Variants in OPCML observed in about 807,000 individuals in gnomAD.
The protein encoded by OPCML is opioid-binding protein/cell adhesion molecule.
A neutral mutation model predicts 37.8 loss-of-function variants in OPCML; 13 were observed. The observed-to-expected ratio is 0.34, with a 90% CI of 0.22 to 0.55. The LOEUF (loss-of-function observed/expected upper bound fraction) is 0.55, where lower values mean the gene tolerates loss of function less well. OPCML is among the 20% of genes least tolerant of loss of function. The pLI, the probability that OPCML is intolerant of heterozygous loss-of-function variation, is 0.91. For missense variants in OPCML, 341 were observed against 435.6 expected (o/e 0.78, Z 1.93); for synonymous variants, 176 against 168.8 (o/e 1.04, Z -0.33).
At chr11:132,560,233 T>C (rs1391733702) in intron 3 of OPCML, among the ~76,000 whole-genome samples, 2 of 152,210 alleles carry the variant, frequency 1.3e-5, no homozygotes, top group African/African-American at 2.4e-5. Flanking sequence ...CAGGACTTGG[T>C]TATCTTTTTC....
intron 2 of OPCML, among the ~76,000 whole-genome samples, chr11:132,939,088 C>A (rs1275212712): frequency 6.6e-6 from 1 of 152,154 alleles, no homozygotes; most frequent in African/African-American, 2.4e-5. Flanking sequence ...AAAGTCTTTG[C>A]ATTTACCCAG....
chr11:133,296,163 A>G (rs1017403933), intron 1 of OPCML, among the ~76,000 whole-genome samples: 8 of 152,368 alleles, frequency 5.3e-5, no homozygotes, highest in African/African-American at 1.9e-4. Context: ...AATGAAGGAC[A>G]TGTCCTCTGC....
chr11:132,515,402 G>A (rs1457208750), intron 4 of OPCML, among the ~76,000 whole-genome samples: 1 of 152,162 alleles, frequency 6.6e-6, no homozygotes, highest in Non-Finnish European at 1.5e-5. Flanking sequence ...ATAGGGTAGG[G>A]AGAGTTGGGC....
intron 1 of OPCML, among the ~76,000 whole-genome samples, chr11:133,034,308 G>GGTGTGTGTGTGTGTGTGTGTGT (rs71038514): frequency 2.6e-4 from 37 of 143,532 alleles, no homozygotes; most frequent in African/African-American, 7.6e-4. Flanking sequence ...TGTATGTATA[G>GGTGTGTGTGTGTGTGTGTGTGT]GTGTGTGTGT....
chr11:132,843,946 A>C (rs7113907), intron 2 of OPCML, among the ~76,000 whole-genome samples: 30,669 of 152,168 alleles, frequency 0.2, 3,535 homozygotes, highest in African/African-American at 0.29. Flanking sequence ...CTCATCTTGA[A>C]TTCCCATGTG....
chr11:133,308,481 G>A (rs912655977), intron 1 of OPCML, among the ~76,000 whole-genome samples: 3 of 152,146 alleles, frequency 2.0e-5, no homozygotes, highest in African/African-American at 7.2e-5. Flanking sequence ...GTGGAGCTGA[G>A]TAGAGTCAAA....
chr11:132,881,955 T>C (rs2136431476), intron 2 of OPCML, among the ~76,000 whole-genome samples: 1 of 152,350 alleles, frequency 6.6e-6, no homozygotes, highest in East Asian at 1.9e-4. Flanking sequence ...TTATGTCAAA[T>C]AAGATAAATT....
intron 1 of OPCML, among the ~76,000 whole-genome samples, chr11:132,971,014 G>C (rs887474562): frequency 2.0e-5 from 3 of 152,134 alleles, no homozygotes; most frequent in Admixed American, 2.0e-4. Flanking sequence ...CAGTGGCAGA[G>C]TCTTCATTTC....
intron 3 of OPCML, among the ~76,000 whole-genome samples, chr11:132,541,248 T>C (rs535610678): frequency 1.3e-5 from 2 of 152,262 alleles, no homozygotes; most frequent in South Asian, 4.1e-4. Flanking sequence ...CAGACCTCTC[T>C]CTTTCTCTAC....
chr11:133,482,806 T>C (rs1375349569), intron 1 of OPCML, among the ~76,000 whole-genome samples: 2 of 151,664 alleles, frequency 1.3e-5, no homozygotes, highest in Non-Finnish European at 2.9e-5. Flanking sequence ...ATGATGAGGG[T>C]AAAACTGAGA....
chr11:132,847,340 G>A (rs911100040), intron 2 of OPCML, among the ~76,000 whole-genome samples: 2 of 151,774 alleles, frequency 1.3e-5, no homozygotes, highest in Non-Finnish European at 2.9e-5. Context: ...AGAGTAAGAG[G>A]TATACCTTCC....
At chr11:132,461,330 TAATTAATCATGCCTAGGATATG>T (rs1312698808) in intron 4 of OPCML, among the ~76,000 whole-genome samples, 1 of 152,114 alleles carries the variant, frequency 6.6e-6, no homozygotes, top group Non-Finnish European at 1.5e-5. Context: ...GCCAATTATG[TAATTAATCATGCCTAGGATATG>T]AAGCCTCTAT....
intron 3 of OPCML, among the ~76,000 whole-genome samples, chr11:132,575,321 G>C (rs1162233022): frequency 6.6e-6 from 1 of 151,974 alleles, no homozygotes; most frequent in African/African-American, 2.4e-5. Context: ...TCTTTTGACT[G>C]CATTTTCTTC....
intron 2 of OPCML, among the ~76,000 whole-genome samples, chr11:132,692,367 TGCATCTATAGGATCAG>T (rs1943438522): frequency 6.6e-6 from 1 of 152,218 alleles, no homozygotes; most frequent in Admixed American, 6.5e-5. Flanking sequence ...ATGCAGCTCA[TGCATCTATAGGATCAG>T]GCATCTTTTG....
chr11:132,520,377 C>T (rs1309723908), intron 4 of OPCML, among the ~76,000 whole-genome samples: 1 of 152,132 alleles, frequency 6.6e-6, no homozygotes, highest in African/African-American at 2.4e-5. Context: ...ATCTGTTTCC[C>T]TCCCTGTGAA....
intron 2 of OPCML, among the ~76,000 whole-genome samples, chr11:132,816,054 G>A (rs1214128427): frequency 5.3e-5 from 8 of 152,190 alleles, no homozygotes; most frequent in Non-Finnish European, 8.8e-5. Flanking sequence ...AGTGGCAAGG[G>A]CAAGTTGGAG....
intron 1 of OPCML, among the ~76,000 whole-genome samples, chr11:133,084,421 G>A (rs188859499): frequency 5.7e-4 from 87 of 152,340 alleles, no homozygotes; most frequent in African/African-American, 2.1e-3. Flanking sequence ...CCAGAAAGAG[G>A]TGTTAAGCTT....
At chr11:133,379,674 G>A (rs1944891751) in intron 1 of OPCML, among the ~76,000 whole-genome samples, 1 of 152,142 alleles carries the variant, frequency 6.6e-6, no homozygotes, top group Admixed American at 6.5e-5. Flanking sequence ...GCTAAGTTCA[G>A]TATTTTGCAA....
chr11:133,111,814 G>A (rs1449577178), intron 1 of OPCML, among the ~76,000 whole-genome samples: 2 of 152,158 alleles, frequency 1.3e-5, no homozygotes, highest in South Asian at 2.1e-4. Flanking sequence ...ATTTCCTAGG[G>A]AATTGCACTG....
Sources: allele counts gnomAD v4.1 joint callset (sites outside exome capture counted in the v4.1 genomes callset), GRCh38; gene constraint gnomAD v4.1.1; transcripts MANE v1.5; gene names NCBI Gene and HGNC (gene_info 2026-07-23, HGNC 2026-07-21).